Variants in ZNF678 observed in about 807,000 individuals in gnomAD.
ZNF678 encodes the protein hypothetical protein MGC42493.
A neutral mutation model predicts 3.0 loss-of-function variants in ZNF678; 5 were observed. That is an observed-to-expected ratio of 1.69 (90% CI 0.88 to 3.56). The LOEUF is 3.56. Ranked by LOEUF, ZNF678 falls within the 30% of genes most tolerant of loss-of-function variation. The pLI, the probability that ZNF678 is intolerant of heterozygous loss-of-function variation, is 0.00. For synonymous variants in ZNF678, 218 were observed against 199.6 expected, an observed-to-expected ratio of 1.09 and a Z score of -0.78; for missense variants, 593 against 605.0, an observed-to-expected ratio of 0.98 and a Z score of 0.21.
chr1:227,618,386 TG>T (rs1658192531), intron 1 of ZNF678, among the ~76,000 whole-genome samples: 2 of 152,226 alleles, frequency 1.3e-5, no homozygotes, highest in Non-Finnish European at 2.9e-5. Context: ...GGAACTTTGG[TG>T]GGTCTGTCAT....
chr1:227,567,774 T>C (rs10799424), intron 1 of ZNF678, among the ~76,000 whole-genome samples: 1 of 151,760 alleles, frequency 6.6e-6, no homozygotes, highest in Non-Finnish European at 1.5e-5. Flanking sequence ...GTGATTTTTT[T>C]AAAATTATTA....
chr1:227,620,818 G>A (rs1390290804), intron 1 of ZNF678, among the ~76,000 whole-genome samples: 1 of 152,198 alleles, frequency 6.6e-6, no homozygotes, highest in African/African-American at 2.4e-5. Context: ...TACTTGTGCT[G>A]TTAGTCTAGA....
chr1:227,607,678 A>G (rs551234231), intron 1 of ZNF678, among the ~76,000 whole-genome samples: 20 of 148,484 alleles, frequency 1.3e-4, no homozygotes, highest in African/African-American at 4.9e-4. Flanking sequence ...ATAACTATAT[A>G]TAATTTTAAA....
intron 5 of ZNF678, among the ~76,000 whole-genome samples, chr1:227,667,987 T>C (rs1659537564): frequency 6.6e-6 from 1 of 152,188 alleles, no homozygotes; most frequent in East Asian, 1.9e-4. Context: ...TTATGGAACA[T>C]TTAGATATTT....
chr1:227,594,841 GC>G (rs796603309), intron 1 of ZNF678, among the ~76,000 whole-genome samples: 6 of 151,324 alleles, frequency 4.0e-5, no homozygotes, highest in South Asian at 4.2e-4. Context: ...CATAAATTCC[GC>G]CCCCCCCTTT....
chr1:227,626,416 G>GA (rs1191130929), intron 1 of ZNF678, among the ~76,000 whole-genome samples: 2 of 152,186 alleles, frequency 1.3e-5, no homozygotes, highest in African/African-American at 4.8e-5. Flanking sequence ...CAGGGATGGG[G>GA]AGTTGGAGGG....
chr1:227,577,875 A>G (rs1657024908), intron 1 of ZNF678, among the ~76,000 whole-genome samples: 1 of 152,138 alleles, frequency 6.6e-6, no homozygotes, highest in Non-Finnish European at 1.5e-5. Flanking sequence ...GGCTGGTAAC[A>G]GTCTTTTCTC....
chr1:227,630,251 T>G (rs1658517335), intron 1 of ZNF678, among the ~76,000 whole-genome samples: 1 of 152,160 alleles, frequency 6.6e-6, no homozygotes, highest in Admixed American at 6.5e-5. Flanking sequence ...TGAATAATTC[T>G]TAGGCTTCTT....
intron 1 of ZNF678, among the ~76,000 whole-genome samples, chr1:227,615,861 G>A (rs992680270): frequency 1.1e-4 from 17 of 152,184 alleles, no homozygotes; most frequent in Admixed American, 6.5e-4. Flanking sequence ...GTTACCATCT[G>A]TTGACTGTTC....
At chr1:227,652,058 T>C (rs570506899) in intron 3 of ZNF678, among the ~76,000 whole-genome samples, 4 of 152,320 alleles carry the variant, frequency 2.6e-5, no homozygotes, top group African/African-American at 9.6e-5. Context: ...AACATATATA[T>C]TTGGGAAACC....
intron 1 of ZNF678, among the ~76,000 whole-genome samples, chr1:227,606,002 C>T (rs1211384794): frequency 6.6e-6 from 1 of 152,150 alleles, no homozygotes; most frequent in Non-Finnish European, 1.5e-5. Context: ...TTATTATCTC[C>T]TTTTTATTGA....
At chr1:227,618,741 T>TG (rs906252766) in intron 1 of ZNF678, among the ~76,000 whole-genome samples, 1 of 152,182 alleles carries the variant, frequency 6.6e-6, no homozygotes, top group African/African-American at 2.4e-5. Flanking sequence ...GTTTTTGTTT[T>TG]TTTGTTTGTT....
chr1:227,579,786 C>T (rs1020296938), intron 1 of ZNF678, among the ~76,000 whole-genome samples: 3 of 152,200 alleles, frequency 2.0e-5, no homozygotes, highest in Non-Finnish European at 1.5e-5. Flanking sequence ...CAGGTCAGAC[C>T]AGCGCCATCT....
intron 1 of ZNF678, among the ~76,000 whole-genome samples, chr1:227,568,541 TCTC>T (rs910457875): frequency 1.3e-5 from 2 of 152,210 alleles, no homozygotes; most frequent in Non-Finnish European, 2.9e-5. Context: ...CACCCAATCT[TCTC>T]CTGCCACTTT....
rs781023062 is a variant in ZNF678, at chr1:227,655,280, A to C, written c.1030A>C (p.Thr344Pro). The change falls in exon 4 of 4, where the codon ACT becomes CCT. Residue 344 changes from threonine to proline, a missense_variant. Thr to Pro is a conservative substitution (Grantham distance 38). Coordinates refer to ENST00000343776, the MANE Select transcript of ZNF678 (RefSeq NM_001367909.1). ...CCTAAGTAGCCATAAGAGAATTCAT[A>C]CTGGAGAGAAACCCTACAAATGTGA... The part of the protein sequence containing the change: ...SHLSSHKRIH[T>P]GEKPYKCEEC... 3.1e-6 allele frequency: 5 copies of C among 1,611,170 alleles called. No homozygotes were observed. The highest frequency in any genetic ancestry group is 4.2e-6 in the Non-Finnish European group (5 of 1,178,266).
chr1:227,641,453 A>G (rs1389508125), intron 1 of ZNF678, among the ~76,000 whole-genome samples: 2 of 152,146 alleles, frequency 1.3e-5, no homozygotes, highest in Non-Finnish European at 2.9e-5. Context: ...GACGTGATAT[A>G]TGTCACATTG....
At chr1:227,601,361 A>G (rs1657733140) in intron 1 of ZNF678, among the ~76,000 whole-genome samples, 1 of 152,092 alleles carries the variant, frequency 6.6e-6, no homozygotes, top group Non-Finnish European at 1.5e-5. Context: ...TTTTAAATGC[A>G]TGACCTTGGA....
rs991960373 is a variant in ZNF678, at chr1:227,597,104, G to T, written c.-164+33380G>T. Among the ~76,000 whole-genome samples, 9 of 152,248 alleles carry T rather than the reference G, an allele frequency of 5.9e-5. No homozygotes were observed. In the East Asian group the frequency reaches 1.3e-3, roughly 23 times the overall value. ...AAATCCTGCCTCATTCTGATTACTG[G>T]TGTCAGTGATAAGCTTTGTTTCTAT... is the stretch of plus-strand genomic sequence containing the variant. On this transcript the variant is annotated intron_variant, in intron 1 of 3. Transcript: ENST00000343776.
In ZNF678 at chr1:227,624,082, TAGATAC is replaced by T. The variant is rs1571894688; in HGVS notation, c.-163-22451_-163-22446del. Among the ~76,000 whole-genome samples the T allele has an allele frequency of 2.0e-5, 3 of 152,334 alleles. No homozygotes were observed. The East Asian group carries it at 5.8e-4, about 29-fold the overall frequency. On this transcript the variant is annotated intron_variant, in intron 1 of 3. Coordinates refer to ENST00000343776, the MANE Select transcript of ZNF678 (RefSeq NM_001367909.1). Reference sequence around the variant, plus strand: ...ATGATAGGCAGAGAGATCACATGTATAGATACAGATACAGATTTAGGTAAAGGTATA... The same window carrying T: ...ATGATAGGCAGAGAGATCACATGTATAGATACAGATTTAGGTAAAGGTATA...
Sources: allele counts gnomAD v4.1 joint callset (sites outside exome capture counted in the v4.1 genomes callset), GRCh38; gene constraint gnomAD v4.1.1; transcripts MANE v1.5; gene names NCBI Gene and HGNC (gene_info 2026-07-23, HGNC 2026-07-21).